Variants in MTHFD2L observed in about 807,000 individuals in gnomAD.
MTHFD2L encodes the protein methylenetetrahydrofolate dehydrogenase (NADP+ dependent) 2 like.
A neutral mutation model predicts 34.9 loss-of-function variants in MTHFD2L; 29 were observed. That is an observed-to-expected ratio of 0.83 (90% CI 0.62 to 1.13). The LOEUF (loss-of-function observed/expected upper bound fraction) is 1.13. Among genes scored for constraint, MTHFD2L ranks in the 50% most tolerant of loss-of-function variants. MTHFD2L has a pLI of 0.00. For missense variants in MTHFD2L, 481 were observed against 446.5 expected, an observed-to-expected ratio of 1.08 and a Z score of -0.70; for synonymous variants, 167 against 155.7, an observed-to-expected ratio of 1.07 and a Z score of -0.54.
intron 7 of MTHFD2L, among the ~76,000 whole-genome samples, chr4:74,286,574 A>T (rs1748204266): frequency 6.6e-6 from 1 of 152,194 alleles, no homozygotes; most frequent in Non-Finnish European, 1.5e-5. Context: ...ACCGTTCTTA[A>T]TTCATCAAAT....
chr4:74,179,710 A>T (rs1259814125), intron 3 of MTHFD2L, among the ~76,000 whole-genome samples: 1 of 152,104 alleles, frequency 6.6e-6, no homozygotes, highest in Non-Finnish European at 1.5e-5. Flanking sequence ...TAAAGTAGAA[A>T]ATTGTAAAAC....
rs879913118 is a variant in MTHFD2L at position 74,290,621 on chromosome 4, CATA to C, written c.931+9074_931+9076del. Among the ~76,000 whole-genome samples, 45 of 152,108 alleles carry C rather than the reference CATA, an allele frequency of 3.0e-4. No individual in the cohort carries two copies. In the Middle Eastern group the frequency reaches 0.01, roughly 34 times the overall value. ...TAGTTAATGTAGGTGAATTGCCAAG[CATA>C]ATGCCTGGTGAAAGACTGTGTGTGT... On this transcript the variant is annotated intron_variant, in intron 7 of 7. Coordinates refer to ENST00000325278, the MANE Select transcript of MTHFD2L (RefSeq NM_001144978.3).
chr4:74,290,142 A>T (rs774668911), intron 7 of MTHFD2L, among the ~76,000 whole-genome samples: 3 of 152,184 alleles, frequency 2.0e-5, no homozygotes, highest in South Asian at 4.1e-4. Flanking sequence ...AATCTCCCCT[A>T]TAAAGGGACC....
chr4:74,257,897 T>TA (rs1250520366), intron 6 of MTHFD2L, among the ~76,000 whole-genome samples: 1 of 151,926 alleles, frequency 6.6e-6, no homozygotes, highest in African/African-American at 2.4e-5. Context: ...CACACACACA[T>TA]ACATGATGTG....
intron 1 of MTHFD2L, among the ~76,000 whole-genome samples, chr4:74,129,653 C>T (rs1412332177): frequency 1.3e-5 from 2 of 151,938 alleles, no homozygotes; most frequent in Non-Finnish European, 2.9e-5. Context: ...AATCGACATC[C>T]TAACATTACA....
intron 5 of MTHFD2L, among the ~76,000 whole-genome samples, chr4:74,213,606 T>C (rs1578489870): frequency 6.6e-6 from 1 of 152,338 alleles, no homozygotes; most frequent in East Asian, 1.9e-4. Flanking sequence ...CCTTTGTGGG[T>C]AACCTGACCT....
intron 1 of MTHFD2L, chr4:74,162,207 T>C (rs1044093945): frequency 6.6e-6 from 1 of 152,226 alleles, no homozygotes; most frequent in African/African-American, 2.4e-5. Context: ...TTTATTAGCA[T>C]TTCAATGACT....
At chr4:74,283,572 G>A (rs1305882371) in intron 7 of MTHFD2L, among the ~76,000 whole-genome samples, 1 of 152,138 alleles carries the variant, frequency 6.6e-6, no homozygotes, top group African/African-American at 2.4e-5. Context: ...TTAAATGATA[G>A]CAATTATATT....
intron 5 of MTHFD2L, among the ~76,000 whole-genome samples, chr4:74,212,712 G>A (rs6858809): frequency 0.21 from 32,623 of 152,012 alleles, 3,539 homozygotes; most frequent in Admixed American, 0.27. Context: ...TATTAGGTCC[G>A]CTTGCTCCAG....
intron 5 of MTHFD2L, among the ~76,000 whole-genome samples, chr4:74,208,271 A>G (rs939314078): frequency 1.9e-5 from 2 of 105,120 alleles, no homozygotes; most frequent in Non-Finnish European, 4.3e-5. Context: ...ATTGAATAAT[A>G]GGAGCACTGT....
intron 1 of MTHFD2L, among the ~76,000 whole-genome samples, chr4:74,172,360 CTTTT>C (rs1728185324): frequency 6.6e-6 from 1 of 152,102 alleles, no homozygotes; most frequent in African/African-American, 2.4e-5. Flanking sequence ...CTGAATAAAT[CTTTT>C]ACAGAAATAA....
chr4:74,215,399 G>A (rs533770), intron 5 of MTHFD2L, among the ~76,000 whole-genome samples: 4,846 of 151,860 alleles, frequency 0.032, 412 homozygotes, highest in African/African-American at 0.11. Context: ...GGGCTGGAAT[G>A]CATCGTCCCT....
chr4:74,205,853 T>C (rs569772935), intron 5 of MTHFD2L, among the ~76,000 whole-genome samples: 1 of 140,968 alleles, frequency 7.1e-6, no homozygotes, highest in South Asian at 2.3e-4. Context: ...GGGGATATGA[T>C]ATACAAGTAT....
At chr4:74,252,214 G>T (rs974619224) in intron 6 of MTHFD2L, among the ~76,000 whole-genome samples, 1 of 152,238 alleles carries the variant, frequency 6.6e-6, no homozygotes, top group African/African-American at 2.4e-5. Context: ...AGCTAAGCAA[G>T]AACAAGTCTA....
chr4:74,182,164 G>A (rs1730307863), intron 3 of MTHFD2L, among the ~76,000 whole-genome samples: 1 of 152,082 alleles, frequency 6.6e-6, no homozygotes, highest in Non-Finnish European at 1.5e-5. Context: ...CTGTGTTTGA[G>A]TGTATAGAAT....
intron 1 of MTHFD2L, among the ~76,000 whole-genome samples, chr4:74,162,954 T>A (rs937528716): frequency 5.3e-5 from 8 of 152,340 alleles, no homozygotes; most frequent in African/African-American, 1.7e-4. Context: ...TGCATGTAAA[T>A]TTTAAAATTA....
intron 6 of MTHFD2L, among the ~76,000 whole-genome samples, chr4:74,265,531 T>C (rs1008507508): frequency 3.3e-5 from 5 of 152,204 alleles, no homozygotes; most frequent in African/African-American, 1.2e-4. Context: ...TTTACTTCTC[T>C]ATCCAGTCTT....
chr4:74,165,022 A>G, intron 1 of MTHFD2L: 1 of 984,670 alleles, frequency 1.0e-6, no homozygotes, highest in Non-Finnish European at 1.2e-6. Context: ...TTTGATATGC[A>G]TTAATGGCAA....
rs542968075 is a variant in MTHFD2L at position 74,215,229 on chromosome 4, C to T, written c.713-10073C>T. ...GGTTCTGTCTCACTGATGTTCCAAG[C>T]GACACTGGGATATGAGAAAAAAACT... On this transcript the variant is annotated intron_variant, in intron 5 of 7. Coordinates refer to ENST00000325278, the MANE Select transcript of MTHFD2L (RefSeq NM_001144978.3). Among the ~76,000 whole-genome samples the T allele has an allele frequency of 8.8e-4, 133 of 151,776 alleles. 2 individuals carry two copies. Among genetic ancestry groups the T allele is most frequent in the African/African-American group, 1.7e-3 (68 of 41,098 alleles).
Sources: gnomAD v4.1 joint callset for allele counts (sites outside exome capture counted in the v4.1 genomes callset) on GRCh38, gnomAD v4.1.1 for gene constraint, MANE v1.5 for transcripts, NCBI Gene and HGNC (gene_info 2026-07-23, HGNC 2026-07-21) for gene names.